The following CSMD1 variants were observed in gnomAD, a reference collection of about 807,000 sequenced individuals.
The protein encoded by CSMD1 is CUB and Sushi multiple domains 1.
CSMD1 carries 213 observed loss-of-function variants against 417.5 expected under a neutral mutation model. The observed-to-expected ratio is 0.51, with a 90% confidence interval of 0.46 to 0.57. The LOEUF (loss-of-function observed/expected upper bound fraction) is 0.57, where lower values mean the gene tolerates loss of function less well. Among genes scored for constraint, CSMD1 ranks in the 20% least tolerant of loss-of-function variants. The pLI is 0.00. For missense variants in CSMD1, 6,923 were observed against 4,529.7 expected (o/e 1.53, Z -15.17); for synonymous variants, 2,862 against 1,736.8 (o/e 1.65, Z -16.11).
At chr8:4,978,176 G>A (rs2117415149) in intron 1 of CSMD1, among the ~76,000 whole-genome samples, 1 of 152,218 alleles carries the variant, frequency 6.6e-6, no homozygotes, top group African/African-American at 2.4e-5. Context: ...GTCATAATTT[G>A]GGATTTATTT....
intron 11 of CSMD1, among the ~76,000 whole-genome samples, chr8:3,485,423 G>A (rs143498386): frequency 8.6e-5 from 13 of 151,870 alleles, no homozygotes; most frequent in Non-Finnish European, 1.9e-4. Flanking sequence ...TGATTATTAA[G>A]GAAAATATGA....
intron 25 of CSMD1, among the ~76,000 whole-genome samples, chr8:3,305,199 G>T (rs1267270533): frequency 6.6e-6 from 1 of 152,094 alleles, no homozygotes; most frequent in African/African-American, 2.4e-5. Flanking sequence ...TATTTCCATA[G>T]AAACATGCCT....
intron 49 of CSMD1, among the ~76,000 whole-genome samples, chr8:3,062,824 A>G (rs1273523387): frequency 6.6e-6 from 1 of 152,188 alleles, no homozygotes. Context: ...CTCAGGGGTA[A>G]ATTGGCTGCT....
At chr8:3,541,265 G>C (rs10101128) in intron 10 of CSMD1, among the ~76,000 whole-genome samples, 6,016 of 152,204 alleles carry the variant, frequency 0.04, 349 homozygotes, top group African/African-American at 0.12. Flanking sequence ...TACCCTCAAA[G>C]TAATGCAGGA....
At chr8:4,262,236 T>G (rs1171772537) in intron 3 of CSMD1, among the ~76,000 whole-genome samples, 1 of 152,142 alleles carries the variant, frequency 6.6e-6, no homozygotes, top group Non-Finnish European at 1.5e-5. Flanking sequence ...GATCTGAGAG[T>G]GAAACTCCGG....
chr8:4,293,547 C>T (rs868520710), intron 3 of CSMD1, among the ~76,000 whole-genome samples: 3 of 152,128 alleles, frequency 2.0e-5, no homozygotes, highest in Middle Eastern at 3.4e-3. Flanking sequence ...GACTTGTCAC[C>T]CCTGTGCCTT....
rs969715576 is a variant in CSMD1 at position 4,849,610 on chromosome 8, T to C, written c.85+144722A>G. Among the ~76,000 whole-genome samples the C allele has an allele frequency of 7.2e-5, 11 of 152,280 alleles. No homozygotes were observed. The South Asian group carries it at 1.9e-3, about 26-fold the overall frequency. On this transcript the variant is annotated intron_variant, in intron 1 of 69. Coordinates refer to ENST00000635120, the MANE Select transcript of CSMD1 (RefSeq NM_033225.6). ...TTTATACCATAATTTTAGTGACCTT[T>C]TCTATTTTTAAAAATGCTCTAATAC...
chr8:4,299,724 C>T (rs1797878535), intron 3 of CSMD1, among the ~76,000 whole-genome samples: 1 of 152,062 alleles, frequency 6.6e-6, no homozygotes, highest in Non-Finnish European at 1.5e-5. Flanking sequence ...CCTGACTCCC[C>T]ATTTCAAGCG....
rs114955984 is a variant in CSMD1 at position 4,851,333 on chromosome 8, G to A, written c.85+142999C>T. ...TGGTGTATACATGCCAACTTTTCTC[G>A]CCCCCTTTTTAAGCTCCTTCTTTCA... On this transcript the variant is annotated intron_variant, in intron 1 of 69. Coordinates refer to ENST00000635120, the MANE Select transcript of CSMD1 (RefSeq NM_033225.6). 2.8e-3 allele frequency among the ~76,000 whole-genome samples: 429 copies of A among 151,568 alleles called. 2 individuals carry two copies. Among genetic ancestry groups the A allele is most frequent in the African/African-American group, 8.1e-3 (334 of 41,324 alleles).
At chr8:4,597,805 C>G (rs1800366801) in intron 2 of CSMD1, among the ~76,000 whole-genome samples, 1 of 152,110 alleles carries the variant, frequency 6.6e-6, no homozygotes, top group African/African-American at 2.4e-5. Flanking sequence ...GTGCTTGCCA[C>G]AAGAGCTAGA....
At chr8:4,179,445 T>G (rs895091540) in intron 3 of CSMD1, among the ~76,000 whole-genome samples, 46 of 152,000 alleles carry the variant, frequency 3.0e-4, no homozygotes, top group African/African-American at 9.7e-4. Flanking sequence ...GATTAAAGAC[T>G]TAAACGTTAG....
intron 68 of CSMD1, among the ~76,000 whole-genome samples, chr8:2,947,208 C>T (rs341722): frequency 0.5 from 76,194 of 151,958 alleles, 19,838 homozygotes; most frequent in East Asian, 0.71. Context: ...ATGAGGAAAC[C>T]AGTTTATTGT....
At chr8:3,314,005 C>T (rs1805560708) in intron 23 of CSMD1, among the ~76,000 whole-genome samples, 1 of 152,038 alleles carries the variant, frequency 6.6e-6, no homozygotes, top group African/African-American at 2.4e-5. Context: ...TCATTCTCAG[C>T]AAACTATCAC....
At chr8:4,798,258 C>T (rs1428732715) in intron 1 of CSMD1, among the ~76,000 whole-genome samples, 7 of 152,082 alleles carry the variant, frequency 4.6e-5, no homozygotes, top group African/African-American at 1.2e-4. Flanking sequence ...TGAGAACATG[C>T]GGTGTTTGTT....
intron 4 of CSMD1, among the ~76,000 whole-genome samples, chr8:4,005,113 A>C (rs1413464240): frequency 6.6e-6 from 1 of 152,130 alleles, no homozygotes; most frequent in Non-Finnish European, 1.5e-5. Flanking sequence ...TAGGAATGAT[A>C]TAATGGACTT....
chr8:4,766,531 A>C (rs1161917940), intron 1 of CSMD1, among the ~76,000 whole-genome samples: 1 of 152,246 alleles, frequency 6.6e-6, no homozygotes, highest in Non-Finnish European at 1.5e-5. Flanking sequence ...ACTGCATTGC[A>C]TTGTCAGGAT....
chr8:4,815,732 A>C (rs1799170079), intron 1 of CSMD1, among the ~76,000 whole-genome samples: 1 of 150,914 alleles, frequency 6.6e-6, no homozygotes, highest in South Asian at 2.1e-4. Flanking sequence ...GAGAAAGGAA[A>C]CCTTTAAATC....
chr8:3,218,337 G>C (rs1157453311), intron 29 of CSMD1, among the ~76,000 whole-genome samples: 3 of 151,990 alleles, frequency 2.0e-5, no homozygotes, highest in East Asian at 3.9e-4. Context: ...CGAGGTGGGA[G>C]GATCATGAGG....
intron 4 of CSMD1, among the ~76,000 whole-genome samples, chr8:4,003,777 A>C (rs1184077831): frequency 1.3e-5 from 2 of 152,194 alleles, no homozygotes; most frequent in African/African-American, 2.4e-5. Context: ...CAAATTACTC[A>C]ACTTAGGGTC....
Sources: allele counts gnomAD v4.1 joint callset (sites outside exome capture counted in the v4.1 genomes callset), GRCh38; gene constraint gnomAD v4.1.1; transcripts MANE v1.5; gene names NCBI Gene and HGNC (gene_info 2026-07-23, HGNC 2026-07-21).